Variants in TMEM260 observed in about 807,000 individuals in gnomAD.
TMEM260 encodes the protein protein O-mannosyl-transferase TMEM260.
TMEM260 carries 82 observed loss-of-function variants against 88.9 expected under a neutral mutation model. The ratio of observed to expected loss-of-function variants is 0.92; its 90% CI spans 0.77 to 1.11. The LOEUF (loss-of-function observed/expected upper bound fraction) is 1.11, where lower values mean the gene tolerates loss of function less well. Ranked by LOEUF, TMEM260 falls within the 50% of genes least tolerant of loss-of-function variation. The pLI is 0.00. For missense variants in TMEM260, 902 were observed against 853.4 expected, an observed-to-expected ratio of 1.06 and a Z score of -0.71; for synonymous variants, 314 against 309.3, an observed-to-expected ratio of 1.02 and a Z score of -0.16.
chr14:56,599,976 T>G (rs1886470625), intron 3 of TMEM260, among the ~76,000 whole-genome samples: 3 of 152,206 alleles, frequency 2.0e-5, no homozygotes, highest in African/African-American at 7.2e-5. Flanking sequence ...AAAGAGATGA[T>G]GATTAGTCAG....
At position 56,612,260 on chromosome 14, in the gene TMEM260, G is replaced by A; in HGVS notation, c.832G>A (p.Gly278Arg). The part of the protein sequence containing the change: ...GTFSLAKSEI[G>R]SSMSEILLSQ... ...TTGTGTTTAGGCCAAATCTGAAATAGGATCCAGTATGTCTGAAATACTGCT... is the reference window on the plus strand; with the variant it reads ...TTGTGTTTAGGCCAAATCTGAAATAAGATCCAGTATGTCTGAAATACTGCT... Residue 278 changes from glycine to arginine, a missense_variant, in exon 7 of 16, where the codon GGA (glycine) becomes AGA (arginine). Gly to Arg is a moderately radical substitution (Grantham distance 125, BLOSUM62 -2). Transcript: ENST00000261556. The A allele has an allele frequency of 6.2e-7, 1 of 1,613,616 alleles. No homozygotes were observed. Among genetic ancestry groups the A allele is most frequent in the South Asian group, 1.1e-5 (1 of 91,062 alleles).
chr14:56,603,466 C>T (rs1886700092), intron 3 of TMEM260, among the ~76,000 whole-genome samples: 1 of 152,096 alleles, frequency 6.6e-6, no homozygotes, highest in African/African-American at 2.4e-5. Flanking sequence ...CTTAACTAGG[C>T]CATCCTTCTT....
intron 15 of TMEM260, among the ~76,000 whole-genome samples, chr14:56,637,193 G>A (rs1889166439): frequency 6.6e-6 from 1 of 152,204 alleles, no homozygotes; most frequent in African/African-American, 2.4e-5. Context: ...ATAAATGTAT[G>A]TTGTTTATTT....
intron 12 of TMEM260, among the ~76,000 whole-genome samples, chr14:56,628,164 G>A (rs1458459460): frequency 1.3e-5 from 2 of 152,166 alleles, no homozygotes; most frequent in Non-Finnish European, 2.9e-5. Flanking sequence ...TTGAAGGACA[G>A]TTGGGTTGTT....
At chr14:56,609,023 G>A (rs1887084329) in intron 5 of TMEM260, 83 bp from the exon 6 acceptor site, 2 of 1,389,096 alleles carry the variant, frequency 1.4e-6, no homozygotes, top group Non-Finnish European at 2.0e-6. Flanking sequence ...CATATTTGAT[G>A]TTTTCCTTGA....
In TMEM260 at chr14:56,609,109, C is replaced by G; in HGVS notation, c.640C>G (p.Leu214Val). The G allele has an allele frequency of 1.2e-6, 2 of 1,613,742 alleles. No individual in the cohort carries two copies. Among genetic ancestry groups the G allele is most frequent in the Non-Finnish European group, 1.7e-6 (2 of 1,179,762 alleles). Reference protein sequence around the residue: ...ILFQLLKKKELSLGSLLKLSL... With the variant: ...ILFQLLKKKEVSLGSLLKLSL... ...CACCCAATGTGCTCTGATGCAGGAA[C>G]TCTCCCTGGGCTCTTTGTTGAAGTT... is the stretch of plus-strand genomic sequence containing the variant. The change falls in exon 6 of 16, where the codon CTC becomes GTC. Residue 214 changes from leucine (L) to valine (V), a missense_variant. Transcript: ENST00000261556.
chr14:56,646,134 T>G (rs1339837263), intron 15 of TMEM260, among the ~76,000 whole-genome samples: 1 of 152,090 alleles, frequency 6.6e-6, no homozygotes, highest in Non-Finnish European at 1.5e-5. Flanking sequence ...TAAGGGGAAA[T>G]TTGCTTTAAA....
intron 3 of TMEM260, among the ~76,000 whole-genome samples, chr14:56,595,949 T>G (rs982423019): frequency 1.3e-5 from 2 of 152,198 alleles, no homozygotes; most frequent in African/African-American, 4.8e-5. Flanking sequence ...ATCCCTTAGT[T>G]TCTGGAAGAT....
chr14:56,644,361 A>C (rs1179229735), intron 15 of TMEM260, among the ~76,000 whole-genome samples: 3 of 152,160 alleles, frequency 2.0e-5, no homozygotes, highest in South Asian at 2.1e-4. Context: ...ATATCTACAA[A>C]TATCTGATCT....
chr14:56,633,818 T>G (rs1290939564), intron 13 of TMEM260, among the ~76,000 whole-genome samples: 1 of 152,212 alleles, frequency 6.6e-6, no homozygotes, highest in Non-Finnish European at 1.5e-5. Flanking sequence ...AGAGTCACTA[T>G]CTAAAGAAAT....
At chr14:56,596,943 T>C (rs955849208) in intron 3 of TMEM260, among the ~76,000 whole-genome samples, 130 of 152,110 alleles carry the variant, frequency 8.5e-4, no homozygotes, top group African/African-American at 2.9e-3. Flanking sequence ...TTGATTAGGT[T>C]ACAGTTAAAA....
chr14:56,605,064 C>G (rs1886810465), intron 4 of TMEM260, among the ~76,000 whole-genome samples: 1 of 152,088 alleles, frequency 6.6e-6, no homozygotes, highest in African/African-American at 2.4e-5. Context: ...AAGTCAGGAC[C>G]TAATTGGGAA....
Position 56,629,955 on chromosome 14 carries a change from T to G in TMEM260, c.1548-3040T>G, listed in dbSNP as rs937234830. On this transcript the variant is annotated intron_variant, in intron 12 of 15. Coordinates refer to ENST00000261556, the MANE Select transcript of TMEM260 (RefSeq NM_017799.4). Reference sequence around the variant, plus strand: ...ACTTGGGCAGCTGAGGTGGGAAGATTGTTTGAATGCAGGAGTTTGAGGCTG... The same window carrying G: ...ACTTGGGCAGCTGAGGTGGGAAGATGGTTTGAATGCAGGAGTTTGAGGCTG... 5.9e-5 allele frequency among the ~76,000 whole-genome samples: 9 copies of G among 151,942 alleles called. No homozygotes were observed. The East Asian group carries it at 7.7e-4, about 13-fold the overall frequency.
chr14:56,603,904 T>C lies in TMEM260; in HGVS notation c.434T>C (p.Val145Ala), dbSNP rs1441409942. 6.2e-7 allele frequency: 1 copy of C among 1,613,290 alleles called. No homozygotes were observed. Among genetic ancestry groups the C allele is most frequent in the Non-Finnish European group, 8.5e-7 (1 of 1,179,740 alleles). ...LTWQWSIAAE[V>A]FSLNNLFVGL... ...TGGCAGTGGTCCATTGCAGCAGAGGTTTTTAGCTTAAACAATCTCTTTGTG... is the reference window on the plus strand; with the variant it reads ...TGGCAGTGGTCCATTGCAGCAGAGGCTTTTAGCTTAAACAATCTCTTTGTG... The change falls in exon 4 of 16, where the codon GTT becomes GCT. Residue 145 changes from valine to alanine, a missense_variant. Transcript: ENST00000261556.
chr14:56,585,975 C>A, intron 3 of TMEM260, 63 bp downstream of exon 3: 1 of 1,498,096 alleles, frequency 6.7e-7, no homozygotes, highest in Non-Finnish European at 9.0e-7. Flanking sequence ...TCTTATGGCT[C>A]AAGTACATAC....
At chr14:56,633,226 A>C (rs905033584) in intron 13 of TMEM260, 55 bp downstream of exon 13, 84 of 1,414,912 alleles carry the variant, frequency 5.9e-5, no homozygotes, top group Non-Finnish European at 7.3e-5. Flanking sequence ...TTGAATACCC[A>C]AAAAAACTAC....
intron 12 of TMEM260, among the ~76,000 whole-genome samples, chr14:56,629,729 C>G (rs1251653652): frequency 1.3e-5 from 2 of 151,976 alleles, no homozygotes; most frequent in Non-Finnish European, 2.9e-5. Context: ...ATACTGTTTT[C>G]CTCAGCATTT....
intron 3 of TMEM260, among the ~76,000 whole-genome samples, chr14:56,591,435 G>C (rs564796338): frequency 6.6e-6 from 1 of 152,272 alleles, no homozygotes; most frequent in East Asian, 1.9e-4. Context: ...TAGTTATTTG[G>C]ATGTTCTGCC....
intron 13 of TMEM260, 113 bp from the exon 14 acceptor site, chr14:56,634,786 G>A (rs1888899928): frequency 1.1e-6 from 1 of 881,246 alleles, no homozygotes; most frequent in Non-Finnish European, 1.8e-6. Flanking sequence ...AGGTTGCAGT[G>A]AGCCAAGATC....
Sources: allele counts gnomAD v4.1 joint callset (sites outside exome capture counted in the v4.1 genomes callset), GRCh38; gene constraint gnomAD v4.1.1; transcripts MANE v1.5; gene names NCBI Gene and HGNC (gene_info 2026-07-23, HGNC 2026-07-21).